PRR16: variants seen among roughly 807,000 people sequenced by gnomAD.
PRR16 encodes the protein proline rich 16, also known as protein Largen.
A neutral mutation model predicts 18.2 loss-of-function variants in PRR16; 6 were observed. The ratio of observed to expected loss-of-function variants is 0.33; its 90% CI spans 0.18 to 0.65. The LOEUF (loss-of-function observed/expected upper bound fraction) is 0.65. PRR16 is among the 30% of genes least tolerant of loss of function. The pLI is 0.74. For missense variants in PRR16, 412 were observed against 376.6 expected (o/e 1.09, Z -0.78); for synonymous variants, 151 against 147.8 (o/e 1.02, Z -0.16).
chr5:120,678,784 C>A (rs944244281), intron 1 of PRR16, among the ~76,000 whole-genome samples: 1 of 152,014 alleles, frequency 6.6e-6, no homozygotes, highest in Non-Finnish European at 1.5e-5. Context: ...TTATTTCTTT[C>A]TCTTATCTAA....
chr5:120,516,484 G>GACACACACACACACACAC, intron 1 of PRR16, among the ~76,000 whole-genome samples: 1 of 136,502 alleles, frequency 7.3e-6, no homozygotes, highest in Non-Finnish European at 1.6e-5. Flanking sequence ...AGGAGGGAAG[G>GACACACACACACACACAC]ACACACACAC....
chr5:120,775,611 C>T, the PRR16 span, among the ~76,000 whole-genome samples: 1 of 150,646 alleles, frequency 6.6e-6, no homozygotes, highest in Admixed American at 6.6e-5. Flanking sequence ...TACATCTTTT[C>T]CTTTTCTCTT....
At chr5:120,628,614 A>G (rs1754944875) in intron 1 of PRR16, among the ~76,000 whole-genome samples, 2 of 151,992 alleles carry the variant, frequency 1.3e-5, no homozygotes, top group East Asian at 3.9e-4. Context: ...TATTTTTTGT[A>G]TGAAATTTTC....
the PRR16 span, among the ~76,000 whole-genome samples, chr5:120,774,978 C>T: frequency 6.6e-6 from 1 of 152,142 alleles, no homozygotes; most frequent in East Asian, 1.9e-4. Flanking sequence ...CATTATCTTC[C>T]TTCCATGCAG....
intron 1 of PRR16, among the ~76,000 whole-genome samples, chr5:120,655,374 C>CTTT (rs5870910): frequency 1.0e-5 from 1 of 95,672 alleles, no homozygotes; most frequent in African/African-American, 3.4e-5. Context: ...AATAATTGAC[C>CTTT]TTTTTTTTTT....
At chr5:120,508,656 T>C (rs13360299) in intron 1 of PRR16, among the ~76,000 whole-genome samples, 29,488 of 152,082 alleles carry the variant, frequency 0.19, 3,091 homozygotes, top group African/African-American at 0.25. Flanking sequence ...AATATCCTTA[T>C]AAATTGTGTC....
chr5:120,493,354 T>C (rs1750130778), intron 1 of PRR16, among the ~76,000 whole-genome samples: 1 of 152,162 alleles, frequency 6.6e-6, no homozygotes, highest in African/African-American at 2.4e-5. Context: ...ATTTGTAATC[T>C]TTTTTTGAGA....
At chr5:120,503,622 C>A (rs547115367) in intron 1 of PRR16, among the ~76,000 whole-genome samples, 1 of 152,174 alleles carries the variant, frequency 6.6e-6, no homozygotes, top group African/African-American at 2.4e-5. Context: ...GCATAATAAT[C>A]CAGCTGTTGG....
rs116427843 is a variant in PRR16 at position 120,519,365 on chromosome 5, C to T, written c.159+54720C>T. Among the ~76,000 whole-genome samples the T allele has an allele frequency of 3.3e-3, 508 of 151,886 alleles. 3 individuals carry two copies. Among genetic ancestry groups the T allele is most frequent in the African/African-American group, 0.011 (471 of 41,422 alleles). ...ATGATATTCTGTATAGTGATAATTA[C>T]GTAATAAAAAGAAGAATGCTAGCTT... On this transcript the variant is annotated intron_variant, in intron 1 of 1. Coordinates refer to ENST00000407149, the MANE Select transcript of PRR16 (RefSeq NM_001300783.2).
At chr5:120,522,894 G>T (rs1751232732) in intron 1 of PRR16, among the ~76,000 whole-genome samples, 1 of 152,104 alleles carries the variant, frequency 6.6e-6, no homozygotes, top group Non-Finnish European at 1.5e-5. Context: ...GGGATTACGG[G>T]CATGAGCCAC....
Position 120,536,514 on chromosome 5 carries a change from T to A in PRR16, c.159+71869T>A, listed in dbSNP as rs114582701. 7.8e-3 allele frequency among the ~76,000 whole-genome samples: 1,181 copies of A among 152,334 alleles called. 20 individuals carry two copies. The highest frequency in any genetic ancestry group is 0.027 in the African/African-American group (1,103 of 41,580). ...AATGTCCAAAAATGTCTCTTTTTTT[T>A]AAAAGTTAAGTACACATATACATTG... On this transcript the variant is annotated intron_variant, in intron 1 of 1. Coordinates refer to ENST00000407149, the MANE Select transcript of PRR16 (RefSeq NM_001300783.2).
intron 1 of PRR16, among the ~76,000 whole-genome samples, chr5:120,605,762 G>A (rs1754133315): frequency 6.6e-6 from 1 of 152,094 alleles, no homozygotes; most frequent in African/African-American, 2.4e-5. Context: ...CTTCATTTCT[G>A]TATGCTTTCC....
the PRR16 span, among the ~76,000 whole-genome samples, chr5:120,697,807 A>G: frequency 6.6e-6 from 1 of 152,150 alleles, no homozygotes; most frequent in Non-Finnish European, 1.5e-5. Flanking sequence ...AAGGACTTTC[A>G]CAAGGTAATG....
At chr5:120,519,248 T>A (rs1554080170) in intron 1 of PRR16, among the ~76,000 whole-genome samples, 1 of 152,076 alleles carries the variant, frequency 6.6e-6, no homozygotes, top group Non-Finnish European at 1.5e-5. Flanking sequence ...ATTCATTATT[T>A]AGTAATGAAT....
chr5:120,525,868 A>G (rs1419407428), intron 1 of PRR16, among the ~76,000 whole-genome samples: 1 of 152,150 alleles, frequency 6.6e-6, no homozygotes, highest in Non-Finnish European at 1.5e-5. Flanking sequence ...CAACAAATTG[A>G]TTATGATTAT....
chr5:120,531,719 G>A (rs746191339), intron 1 of PRR16, among the ~76,000 whole-genome samples: 3 of 152,048 alleles, frequency 2.0e-5, no homozygotes, highest in African/African-American at 4.8e-5. Flanking sequence ...AGATTGGCAT[G>A]CATTTGATAG....
the PRR16 span, among the ~76,000 whole-genome samples, chr5:120,781,917 G>A: frequency 2.2e-4 from 33 of 152,170 alleles, no homozygotes; most frequent in Non-Finnish European, 5.9e-5. Context: ...AAGGTTGCAA[G>A]AATTGATAAA....
chr5:120,546,558 C>CATGT (rs1752080155), intron 1 of PRR16, among the ~76,000 whole-genome samples: 1 of 152,120 alleles, frequency 6.6e-6, no homozygotes, highest in Middle Eastern at 3.2e-3. Flanking sequence ...ATCATCCCTG[C>CATGT]ATGTCAGTGT....
At chr5:120,630,145 A>G (rs1298184864) in intron 1 of PRR16, among the ~76,000 whole-genome samples, 1 of 151,846 alleles carries the variant, frequency 6.6e-6, no homozygotes, top group Non-Finnish European at 1.5e-5. Flanking sequence ...CTCAATTTCT[A>G]TCAATTTTGT....
Sources: allele counts gnomAD v4.1 joint callset (sites outside exome capture counted in the v4.1 genomes callset), GRCh38; gene constraint gnomAD v4.1.1; transcripts MANE v1.5; gene names NCBI Gene and HGNC (gene_info 2026-07-23, HGNC 2026-07-21).